RPS6KA4: variants seen among roughly 807,000 people sequenced by gnomAD.
RPS6KA4 encodes ribosomal protein S6 kinase alpha-4.
Under a neutral mutation model 89.6 loss-of-function variants are expected in RPS6KA4, and 38 were observed. The observed-to-expected ratio is 0.42, with a 90% CI of 0.33 to 0.56. The LOEUF (loss-of-function observed/expected upper bound fraction) is 0.56, where lower values mean the gene tolerates loss of function less well. RPS6KA4 is among the 20% of genes least tolerant of loss of function. The pLI is 0.07. For synonymous variants in RPS6KA4, 495 were observed against 492.8 expected (o/e 1.00, Z -0.06); for missense variants, 873 against 1,098.8 (o/e 0.79, Z 2.90).
rs560492489 is a variant in RPS6KA4, at chr11:64,366,618, C to T, written c.1071+1153C>T. 5.9e-5 allele frequency among the ~76,000 whole-genome samples: 9 copies of T among 152,312 alleles called. No homozygotes were observed. The South Asian group carries it at 1.0e-3, about 18-fold the overall frequency. ...TACTTGATGCTCTGGAGGGCATGAT[C>T]GAACTGCTCAGAGGTTCCAGAATAT... On this transcript the variant is annotated intron_variant, in intron 9 of 16. Transcript: ENST00000334205.
Position 64,361,691 on chromosome 11 carries a change from G to A in RPS6KA4, c.701G>A (p.Gly234Glu). The change falls in exon 7 of 17, where the codon GGG (glycine) becomes GAG (glutamate). Residue 234 changes from glycine (G) to glutamate (E), a missense_variant. By Grantham distance (98) the Gly-to-Glu change is moderately conservative. Transcript: ENST00000334205. This position sits in a 1 kb window ranked among gnomAD's most constrained non-coding sequence, Gnocchi z 4.7. ...ATCTTGCTCTTCGAGCTGCTGACGGGGGCCTCGCCCTTCACCCTGGAGGGC... is the reference window on the plus strand; with the variant it reads ...ATCTTGCTCTTCGAGCTGCTGACGGAGGCCTCGCCCTTCACCCTGGAGGGC... ...LGILLFELLT[G>E]ASPFTLEGER... is the part of the protein sequence containing the mutation. The A allele has an allele frequency of 6.2e-7, 1 of 1,612,352 alleles. No individual in the cohort carries two copies. The highest frequency in any genetic ancestry group is 8.5e-7 in the Non-Finnish European group (1 of 1,179,720).
rs2036765344 is a variant in RPS6KA4 at position 64,361,943 on chromosome 11, A to G, written c.847A>G (p.Lys283Glu). The change falls in exon 8 of 17, where the codon AAG becomes GAG. Residue 283 changes from lysine (K) to glutamate (E), a missense_variant. Physicochemically the swap from Lys to Glu is moderately conservative, Grantham distance 56. This residue lies in a region of RPS6KA4 where 542 missense variants were observed against 736.4 expected (regional missense o/e 0.74). Coordinates refer to ENST00000334205, the MANE Select transcript of RPS6KA4 (RefSeq NM_003942.3). This position sits in a 1 kb window ranked among gnomAD's most constrained non-coding sequence, Gnocchi z 4.7. ...GCGGCTGCTTTGTAAGGATCCTAAG[A>G]AGCGATTGGGCGCGGGGCCCCAGGG... ...LQRLLCKDPK[K>E]RLGAGPQGAQ... 6.2e-7 allele frequency: 1 copy of G among 1,610,438 alleles called. No homozygotes were observed. The highest frequency in any genetic ancestry group is 8.5e-7 in the Non-Finnish European group (1 of 1,179,026).
At chr11:64,365,975 G>T (rs2135336810) in intron 9 of RPS6KA4, among the ~76,000 whole-genome samples, 1 of 151,976 alleles carries the variant, frequency 6.6e-6, no homozygotes, top group South Asian at 2.1e-4. Context: ...GGAGGCGGAG[G>T]TTGCGGTGAG....
In RPS6KA4 at chr11:64,360,241, AGGC is replaced by A; in HGVS notation, c.211_213del (p.Ala71del). 6.5e-7 allele frequency: 1 copy of A among 1,547,888 alleles called. No individual in the cohort carries two copies. The highest frequency in any genetic ancestry group is 2.0e-5 in the Admixed American group (1 of 50,980). ...CTGTACGCCATGAAGGTGCTGCGCA[AGGC>A]GGCGCTGGTGCAGCGCGCCAAGACG... On this transcript the variant is annotated inframe_deletion, in exon 3 of 17. Coordinates refer to ENST00000334205, the MANE Select transcript of RPS6KA4 (RefSeq NM_003942.3).
At chr11:64,366,257 G>C (rs2036882889) in intron 9 of RPS6KA4, among the ~76,000 whole-genome samples, 1 of 150,008 alleles carries the variant, frequency 6.7e-6, no homozygotes. Flanking sequence ...TGAAATCTCT[G>C]CCTCACGGGT....
chr11:64,371,279 C>A lies in RPS6KA4; in HGVS notation c.2122-4C>A, dbSNP rs2037065029. On this transcript the variant is annotated splice_polypyrimidine_tract_variant and splice_region_variant and intron_variant, in intron 16 of 16. Coordinates refer to ENST00000334205, the MANE Select transcript of RPS6KA4 (RefSeq NM_003942.3). ...GGGGGCACTCACCCTTTCCTTTCTG[C>A]CAGGCATTCAACCGGGGCAAGCGGG... 4 of 1,612,308 alleles carry A rather than the reference C, an allele frequency of 2.5e-6. No individual in the cohort carries two copies. The highest frequency in any genetic ancestry group is 3.3e-5 in the Admixed American group (2 of 59,950).
chr11:64,371,608 A>C lies in RPS6KA4; in HGVS notation c.*128A>C. ...GTCCTTTCCTCTCCTACCCCACCCC[A>C]CTCCCAGACAGAGCAGAAGTATTTT... On this transcript the variant is annotated 3_prime_UTR_variant, in exon 17 of 17. Coordinates refer to ENST00000334205, the MANE Select transcript of RPS6KA4 (RefSeq NM_003942.3). The C allele has an allele frequency of 1.8e-6, 1 of 559,702 alleles. No individual in the cohort carries two copies. The allele number at this position is 559,702 out of a possible 1,614,324, so 34.7% of individuals were successfully genotyped here.
rs1565066456 is a variant in RPS6KA4, at chr11:64,359,394, CGAG to C, written c.76_78del (p.Glu26del). 6.2e-6 allele frequency: 10 copies of C among 1,613,510 alleles called. No individual in the cohort carries two copies. Among genetic ancestry groups the C allele is most frequent in the Admixed American group, 3.3e-5 (2 of 59,986 alleles). ...TGCCCACAGCCAACCTGACCGGGCACGAGGAGAAGGTGAGCGTGGAGAACTTCG... is the reference window on the plus strand; with the variant it reads ...TGCCCACAGCCAACCTGACCGGGCACGAGAAGGTGAGCGTGGAGAACTTCG... On this transcript the variant is annotated inframe_deletion, in exon 2 of 17. Transcript: ENST00000334205.
intron 2 of RPS6KA4, 158 bp downstream of exon 2, chr11:64,359,607 A>T: frequency 1.4e-6 from 1 of 703,742 alleles, no homozygotes; most frequent in African/African-American, 1.8e-5. Flanking sequence ...CAGAGTTTGC[A>T]TGCCCACTTC....
Position 64,359,369 on chromosome 11 carries a change from T to C in RPS6KA4, c.56-9T>C. On this transcript the variant is annotated splice_polypyrimidine_tract_variant and intron_variant, in intron 1 of 16. Coordinates refer to ENST00000334205, the MANE Select transcript of RPS6KA4 (RefSeq NM_003942.3). ...ACCGGCTGGGCTCATTCGCCCCCTG[T>C]GCCCACAGCCAACCTGACCGGGCAC... is the stretch of plus-strand genomic sequence containing the variant. 1 of 1,612,928 alleles carries C rather than the reference T, an allele frequency of 6.2e-7. No individual in the cohort carries two copies. The highest frequency in any genetic ancestry group is 8.5e-7 in the Non-Finnish European group (1 of 1,179,670).
chr11:64,361,987 C>T lies in RPS6KA4; in HGVS notation c.891C>T (p.Asn297=), dbSNP rs2036766979. 1 of 1,609,570 alleles carries T rather than the reference C, an allele frequency of 6.2e-7. No homozygotes were observed. Among genetic ancestry groups the T allele is most frequent in the Non-Finnish European group, 8.5e-7 (1 of 1,178,680 alleles). ...AGPQGAQEVR[N]HPFFQGLDWV... is the part of the protein sequence containing the mutation. ...CCCAGGGGGCACAAGAAGTCCGGAACCATCCCTTCTTCCAGGTGAGGCTGA... is the reference window on the plus strand; with the variant it reads ...CCCAGGGGGCACAAGAAGTCCGGAATCATCCCTTCTTCCAGGTGAGGCTGA... The change falls in exon 8 of 17, where the codon AAC becomes AAT. Residue 297 remains asparagine (N), a synonymous_variant. Transcript: ENST00000334205. This position sits in a 1 kb window ranked among gnomAD's most constrained non-coding sequence, Gnocchi z 4.7.
rs2036731852 is a variant in RPS6KA4 at position 64,361,039 on chromosome 11, C to G, written c.463-95C>G. The G allele has an allele frequency of 2.0e-6, 2 of 978,480 alleles. No individual in the cohort carries two copies. The highest frequency in any genetic ancestry group is 3.1e-5 in the South Asian group (2 of 64,282). The allele number at this position is 978,480 out of a possible 1,614,324, so 60.6% of individuals were successfully genotyped here. A position where few individuals can be genotyped will look rare whatever the true frequency, so the allele number is the denominator to read the frequency against. ...CCCCTCTACAGGCAGATGACTTTCT[C>G]TGGGGGGTCTCCTTATCCTGAGCAG... On this transcript the variant is annotated intron_variant, in intron 4 of 16. Transcript: ENST00000334205. This position sits in a 1 kb window ranked among gnomAD's most constrained non-coding sequence, Gnocchi z 4.7.
intron 9 of RPS6KA4, among the ~76,000 whole-genome samples, chr11:64,365,874 A>G (rs1022972337): frequency 3.3e-5 from 5 of 152,064 alleles, no homozygotes; most frequent in African/African-American, 1.2e-4. Context: ...CCCCGTCTCT[A>G]CTAAAAATAC....
chr11:64,369,441 C>G lies in RPS6KA4; in HGVS notation c.1429-5C>G, dbSNP rs1359686910. ...GTTGACCTTGGCCCGCCACGCCGCC[C>G]GCAGCTGCACACGTACCTGGTCCTG... On this transcript the variant is annotated splice_polypyrimidine_tract_variant and splice_region_variant and intron_variant, in intron 12 of 16. Transcript: ENST00000334205. The G allele has an allele frequency of 1.3e-6, 2 of 1,590,618 alleles. No individual in the cohort carries two copies. Among genetic ancestry groups the G allele is most frequent in the East Asian group, 2.3e-5 (1 of 44,198 alleles).
In RPS6KA4 at chr11:64,370,028, G is replaced by A; in HGVS notation, c.1797+135G>A. On this transcript the variant is annotated intron_variant, in intron 14 of 16. Transcript: ENST00000334205. The surrounding 1 kb of genome is among the most constrained non-coding windows in gnomAD (Gnocchi z 4.1). ...GGTTTCGTCCGAAGCTGGGATCGGG[G>A]TGGTTCAAATACAGAGGTGGGGTCG... 1 of 1,153,734 alleles carries A rather than the reference G, an allele frequency of 8.7e-7. No homozygotes were observed. Among genetic ancestry groups the A allele is most frequent in the Admixed American group, 2.9e-5 (1 of 34,284 alleles). 71.5% of individuals were successfully genotyped at this position (1,153,734 alleles called of 1,614,324 possible). A position where few individuals can be genotyped will look rare whatever the true frequency, so the allele number is the denominator to read the frequency against.
At chr11:64,371,226 G>C in intron 16 of RPS6KA4, 57 bp from the exon 17 acceptor site, 2 of 1,564,156 alleles carry the variant, frequency 1.3e-6, no homozygotes. Context: ...GGTCAAACTA[G>C]ATCTGGAAGC....
At position 64,371,559 on chromosome 11, in the gene RPS6KA4, G is replaced by GGCTTTTTC; in HGVS notation, c.*82_*83insTTTTCGCT. ...CTCACTCCCGGAGGCCTCTGCCTGC[G>GGCTTTTTC]GCTGACCTGATCCCCAAGGGACTGT... On this transcript the variant is annotated 3_prime_UTR_variant, in exon 17 of 17. Transcript: ENST00000334205. 1 of 627,758 alleles carries GGCTTTTTC rather than the reference G, an allele frequency of 1.6e-6. No individual in the cohort carries two copies. The highest frequency in any genetic ancestry group is 2.8e-6 in the Non-Finnish European group (1 of 357,596). The allele number at this position is 627,758 out of a possible 1,614,324, so 38.9% of individuals were successfully genotyped here. A position where few individuals can be genotyped will look rare whatever the true frequency, so the allele number is the denominator to read the frequency against.
intron 2 of RPS6KA4, 139 bp downstream of exon 2, chr11:64,359,588 C>T (rs1440200799): frequency 5.6e-5 from 49 of 868,146 alleles, no homozygotes; most frequent in Non-Finnish European, 7.9e-5. Context: ...CTGCCCCGCC[C>T]TGCCTCGCCA....
At position 64,370,715 on chromosome 11, in the gene RPS6KA4, G is replaced by A. The variant is rs1418251990; in HGVS notation, c.2110G>A (p.Ala704Thr). The A allele has an allele frequency of 1.9e-6, 3 of 1,554,254 alleles. No individual in the cohort carries two copies. The highest frequency in any genetic ancestry group is 1.7e-6 in the Non-Finnish European group (2 of 1,153,088). Residue 704 changes from alanine to threonine, a missense_variant, in exon 16 of 17, where the codon GCC becomes ACC. Around this residue, in one of 4 missense-constraint regions of RPS6KA4, gnomAD observed 278 missense variants for 284.8 expected, o/e 0.98. Transcript: ENST00000334205. The surrounding 1 kb of genome is among the most constrained non-coding windows in gnomAD (Gnocchi z 4.1). ...GCCCGCAGTGCGCTCGGGTCTCAACGCCACCTTCATGGTAAGGGGCAGGGT... is the reference window on the plus strand; with the variant it reads ...GCCCGCAGTGCGCTCGGGTCTCAACACCACCTTCATGGTAAGGGGCAGGGT... ...SGPAVRSGLNATFMAFNRGKR... is the reference protein window; with the variant it reads ...SGPAVRSGLNTTFMAFNRGKR...
Sources: allele counts gnomAD v4.1 joint callset (sites outside exome capture counted in the v4.1 genomes callset), GRCh38; gene constraint gnomAD v4.1.1; regional missense constraint gnomAD v4.1.1; non-coding constraint Gnocchi (gnomAD v3.1); transcripts MANE v1.5; gene names NCBI Gene and HGNC (gene_info 2026-07-23, HGNC 2026-07-21).